Variants in RIMBP2 observed in about 807,000 individuals in gnomAD.
RIMBP2 encodes the protein RIMS-binding protein 2.
Under a neutral mutation model 118.6 loss-of-function variants are expected in RIMBP2, and 48 were observed. That is an observed-to-expected ratio of 0.40 (90% CI 0.32 to 0.51). RIMBP2 has a LOEUF of 0.51. Ranked by LOEUF, RIMBP2 falls within the 20% of genes least tolerant of loss-of-function variation. RIMBP2 has a pLI of 0.41. For missense variants in RIMBP2, 1,551 were observed against 1,768.3 expected (o/e 0.88, Z 2.20); for synonymous variants, 762 against 742.9 (o/e 1.03, Z -0.42).
chr12:130,517,234 G>C (rs1488526963), intron 3 of RIMBP2, among the ~76,000 whole-genome samples: 1 of 152,104 alleles, frequency 6.6e-6, no homozygotes, highest in African/African-American at 2.4e-5. Context: ...CCCTGAGCTG[G>C]TATGTGAGCA....
At chr12:130,517,197 G>A (rs940097215) in intron 3 of RIMBP2, among the ~76,000 whole-genome samples, 1 of 152,074 alleles carries the variant, frequency 6.6e-6, no homozygotes, top group Non-Finnish European at 1.5e-5. Context: ...GAGTGGAACT[G>A]CTGGCTTAAT....
At chr12:130,569,693 C>T (rs73456719) in intron 2 of RIMBP2, among the ~76,000 whole-genome samples, 3,047 of 152,254 alleles carry the variant, frequency 0.02, 113 homozygotes, top group African/African-American at 0.07. Flanking sequence ...TCTTCTCTCT[C>T]GCTCCTGCAC....
chr12:130,517,284 G>T (rs1157196451), intron 3 of RIMBP2, among the ~76,000 whole-genome samples: 1 of 152,126 alleles, frequency 6.6e-6, no homozygotes, highest in South Asian at 2.1e-4. Context: ...ATACCACCTT[G>T]GGACCCTACA....
rs1444850938 is a variant in RIMBP2, at chr12:130,478,983, G to A, written c.31C>T (p.Leu11=). Residue 11 remains leucine, a synonymous_variant, in exon 5 of 23, where the codon CTG becomes TTG. Coordinates refer to ENST00000690449, the MANE Select transcript of RIMBP2 (RefSeq NM_001393629.1). ...AGGGCCTGGTCATGCTCCAACTGCA[G>A]CTGCTGCCGCCGTTCAGCCGCCTCT... MREAAERRQQ[L]QLEHDQALAV... 4 of 1,613,768 alleles carry A rather than the reference G, an allele frequency of 2.5e-6. No individual in the cohort carries two copies. The highest frequency in any genetic ancestry group is 3.4e-6 in the Non-Finnish European group (4 of 1,179,946).
At chr12:130,484,249 C>T (rs1052842636) in intron 4 of RIMBP2, among the ~76,000 whole-genome samples, 17 of 152,180 alleles carry the variant, frequency 1.1e-4, no homozygotes, top group Admixed American at 5.9e-4. Context: ...CTCCTGATGC[C>T]GCTGCCACCA....
At chr12:130,639,490 A>C (rs1328061950) in intron 1 of RIMBP2, among the ~76,000 whole-genome samples, 1 of 22,616 alleles carries the variant, frequency 4.4e-5, no homozygotes, top group Admixed American at 7.2e-4. Flanking sequence ...CCTGCCTCAA[A>C]AAAAAAAAAA....
chr12:130,643,861 G>A (rs1459828926), intron 1 of RIMBP2, among the ~76,000 whole-genome samples: 1 of 152,184 alleles, frequency 6.6e-6, no homozygotes, highest in East Asian at 1.9e-4. Context: ...GGAAACTGGA[G>A]AGCAAGCAGT....
chr12:130,413,747 C>T (rs1365538671), intron 18 of RIMBP2, among the ~76,000 whole-genome samples: 1 of 151,976 alleles, frequency 6.6e-6, no homozygotes, highest in East Asian at 1.9e-4. Context: ...TGCTGATGCT[C>T]CCTTCTTCCC....
chr12:130,566,496 G>A (rs902035394), intron 2 of RIMBP2, among the ~76,000 whole-genome samples: 8 of 152,326 alleles, frequency 5.3e-5, no homozygotes, highest in Non-Finnish European at 1.2e-4. Context: ...CTCATGAGTT[G>A]TTCTAGAAGC....
chr12:130,542,406 G>A (rs761493182), intron 2 of RIMBP2, among the ~76,000 whole-genome samples: 1 of 152,108 alleles, frequency 6.6e-6, no homozygotes, highest in Non-Finnish European at 1.5e-5. Flanking sequence ...AGCACTATCA[G>A]TTCTCTCCTT....
At chr12:130,691,848 G>A (rs1011369450) in intron 1 of RIMBP2, among the ~76,000 whole-genome samples, 3 of 152,182 alleles carry the variant, frequency 2.0e-5, no homozygotes, top group Non-Finnish European at 2.9e-5. Flanking sequence ...GGAGAATAGA[G>A]GCTTCCTGAG....
intron 2 of RIMBP2, among the ~76,000 whole-genome samples, chr12:130,564,006 C>T (rs148152102): frequency 1.3e-5 from 2 of 150,958 alleles, no homozygotes; most frequent in South Asian, 2.1e-4. Context: ...AGCCTCCCTG[C>T]TGTTCCTATA....
At chr12:130,640,611 G>A (rs1395938813) in intron 1 of RIMBP2, among the ~76,000 whole-genome samples, 6 of 152,206 alleles carry the variant, frequency 3.9e-5, no homozygotes, top group East Asian at 3.9e-4. Context: ...GAGCCCGTGA[G>A]GTAGGCACTG....
At position 130,664,415 on chromosome 12, in the gene RIMBP2, A is replaced by ACGCACGCACACACGCACGCACACGCACG. The variant is rs1195044326; in HGVS notation, c.-351-35960_-351-35959insCGTGCGTGTGCGTGCGTGTGTGCGTGCG. Among the ~76,000 whole-genome samples the ACGCACGCACACACGCACGCACACGCACG allele has an allele frequency of 1.7e-4, 22 of 130,586 alleles. 1 individual carries two copies. Among genetic ancestry groups the ACGCACGCACACACGCACGCACACGCACG allele is most frequent in the Middle Eastern group, 7.9e-3 (2 of 252 alleles). 85.7% of individuals were successfully genotyped at this position (130,586 alleles called of 152,430 possible). ...CACACACACGCACGCACGCACGCAC[A>ACGCACGCACACACGCACGCACACGCACG]CACACGCACACACATGCATGCACGC... On this transcript the variant is annotated intron_variant, in intron 1 of 22. Transcript: ENST00000690449.
chr12:130,654,207 C>A (rs1318404563), intron 1 of RIMBP2, among the ~76,000 whole-genome samples: 1 of 152,186 alleles, frequency 6.6e-6, no homozygotes, highest in Non-Finnish European at 1.5e-5. Flanking sequence ...CTATAAGTTC[C>A]AACTTTAAGT....
At chr12:130,462,735 C>T (rs1225821715) in intron 6 of RIMBP2, among the ~76,000 whole-genome samples, 1 of 152,196 alleles carries the variant, frequency 6.6e-6, no homozygotes, top group South Asian at 2.1e-4. Context: ...CGCAAGCACC[C>T]TCCTAGCAGG....
At chr12:130,497,972 G>A (rs2049350111) in intron 4 of RIMBP2, among the ~76,000 whole-genome samples, 1 of 152,218 alleles carries the variant, frequency 6.6e-6, no homozygotes, top group Non-Finnish European at 1.5e-5. Context: ...TCCCCTTGGA[G>A]AGTCTCTGTC....
At chr12:130,645,314 A>G (rs990981020) in intron 1 of RIMBP2, among the ~76,000 whole-genome samples, 1 of 152,164 alleles carries the variant, frequency 6.6e-6, no homozygotes, top group Non-Finnish European at 1.5e-5. Flanking sequence ...TGCTCTCTAC[A>G]AATCACAGCT....
At chr12:130,604,292 A>T (rs1005007019) in intron 2 of RIMBP2, among the ~76,000 whole-genome samples, 6 of 18,206 alleles carry the variant, frequency 3.3e-4, no homozygotes, top group African/African-American at 7.9e-4. Flanking sequence ...TTTAAAAAGT[A>T]AAAAAAAAAA....
Sources: allele counts gnomAD v4.1 joint callset (sites outside exome capture counted in the v4.1 genomes callset), GRCh38; gene constraint gnomAD v4.1.1; transcripts MANE v1.5; gene names NCBI Gene and HGNC (gene_info 2026-07-23, HGNC 2026-07-21).